LAMC1: variants seen among roughly 807,000 people sequenced by gnomAD.
The protein encoded by LAMC1 is laminin subunit gamma-1.
In LAMC1, 38 loss-of-function variants were observed where a neutral mutation model predicts 173.6. That is an observed-to-expected ratio of 0.22 (90% CI 0.17 to 0.29). LAMC1 has a LOEUF of 0.29. Among genes scored for constraint, LAMC1 ranks in the 10% least tolerant of loss-of-function variants. LAMC1 has a pLI of 1.00. For synonymous variants in LAMC1, 746 were observed against 749.1 expected (o/e 1.00, Z 0.07); for missense variants, 1,824 against 2,051.8 (o/e 0.89, Z 2.14).
intron 22 of LAMC1, among the ~76,000 whole-genome samples, chr1:183,133,947 A>G (rs1256206372): frequency 6.6e-6 from 1 of 152,258 alleles, no homozygotes; most frequent in African/African-American, 2.4e-5. Context: ...ATAATAATAC[A>G]TTTGAATTGC....
rs776372571 is a variant in LAMC1, at chr1:183,130,538, G to A, written c.3475G>A (p.Ala1159Thr). ...AGAACTTGAGAAAGCAAAAGTCGCT[G>A]CTGCCAATGTGGTAAGTGATTGCAA... is the stretch of plus-strand genomic sequence containing the variant. ...SRELEKAKVA[A>T]ANVSVTQPES... Residue 1159 changes from alanine to threonine, a missense_variant, in exon 19 of 28, where the codon GCT becomes ACT. Physicochemically the swap from Ala to Thr is moderately conservative, Grantham distance 58 (BLOSUM62 0). Transcript: ENST00000258341. 1.9e-6 allele frequency: 3 copies of A among 1,614,114 alleles called. No homozygotes were observed. The South Asian group carries it at 3.3e-5, about 18-fold the overall frequency.
intron 4 of LAMC1, among the ~76,000 whole-genome samples, chr1:183,114,072 G>A (rs531362763): frequency 2.0e-5 from 3 of 151,902 alleles, no homozygotes; most frequent in African/African-American, 7.3e-5. Flanking sequence ...GTGGTTTTTT[G>A]TTTGTTTGTT....
intron 1 of LAMC1, among the ~76,000 whole-genome samples, chr1:183,043,557 G>A (rs2102016932): frequency 6.6e-6 from 1 of 152,226 alleles, no homozygotes; most frequent in South Asian, 2.1e-4. Flanking sequence ...TTCATTGAAA[G>A]GGTGAATTTT....
rs751005412 is a variant in LAMC1, at chr1:183,024,028, C to T, written c.312C>T (p.Ala104=). 1.9e-6 allele frequency: 3 copies of T among 1,613,076 alleles called. No homozygotes were observed. The highest frequency in any genetic ancestry group is 2.5e-6 in the Non-Finnish European group (3 of 1,179,842). The change falls in exon 1 of 28, where the codon GCC becomes GCT. Residue 104 remains alanine, a synonymous_variant. Transcript: ENST00000258341. ...AGCCCCACCTGCAGCACGGGGCAGCCTTCCTGACCGACTACAACAACCAGG... is the reference window on the plus strand; with the variant it reads ...AGCCCCACCTGCAGCACGGGGCAGCTTTCCTGACCGACTACAACAACCAGG... ...AGQPHLQHGA[A]FLTDYNNQAD... is the part of the protein sequence containing the mutation.
At chr1:183,029,561 C>T (rs1417287829) in intron 1 of LAMC1, among the ~76,000 whole-genome samples, 2 of 152,104 alleles carry the variant, frequency 1.3e-5, no homozygotes, top group African/African-American at 4.8e-5. Flanking sequence ...TGTTGCTTCA[C>T]GTGTTCACAG....
intron 2 of LAMC1, 30 bp downstream of exon 2, chr1:183,103,662 G>T: frequency 6.6e-7 from 1 of 1,517,282 alleles, no homozygotes; most frequent in Admixed American, 2.2e-5. Flanking sequence ...CCTGAAGCCA[G>T]CTAGTTCTAC....
chr1:183,049,544 A>G (rs957108452), intron 1 of LAMC1, among the ~76,000 whole-genome samples: 1 of 151,454 alleles, frequency 6.6e-6, no homozygotes, highest in Non-Finnish European at 1.5e-5. Flanking sequence ...GCTCACTGCA[A>G]CCTCCGCTTC....
At chr1:183,103,192 G>C in intron 1 of LAMC1, 136 bp from the exon 2 acceptor site, 1 of 863,562 alleles carries the variant, frequency 1.2e-6, no homozygotes. Flanking sequence ...TTCTGTTTTA[G>C]AATAGCCTGT....
At chr1:183,097,411 C>G (rs1655721160) in intron 1 of LAMC1, among the ~76,000 whole-genome samples, 1 of 152,182 alleles carries the variant, frequency 6.6e-6, no homozygotes, top group African/African-American at 2.4e-5. Context: ...TAATTTGATA[C>G]TTTAGAATGA....
chr1:183,140,898 G>A (rs1657095211), intron 27 of LAMC1: 1 of 153,062 alleles, frequency 6.5e-6, no homozygotes, highest in African/African-American at 2.4e-5. Context: ...TGCCAGCTAG[G>A]GTAGCATTTA....
At chr1:183,117,776 G>A in intron 10 of LAMC1, 53 bp downstream of exon 10, 1 of 1,501,326 alleles carries the variant, frequency 6.7e-7, no homozygotes, top group Non-Finnish European at 9.2e-7. Flanking sequence ...TGAAAGTGGT[G>A]TCTTTATTTA....
At chr1:183,108,522 A>G in intron 3 of LAMC1, 116 bp downstream of exon 3, 1 of 878,438 alleles carries the variant, frequency 1.1e-6, no homozygotes, top group Non-Finnish European at 1.7e-6. Context: ...TTTACCAAGA[A>G]TAGGAGCGGC....
chr1:183,027,645 A>C (rs772074139), intron 1 of LAMC1, among the ~76,000 whole-genome samples: 2 of 152,250 alleles, frequency 1.3e-5, no homozygotes, highest in South Asian at 2.1e-4. Flanking sequence ...TTAGTTTCCA[A>C]GCTCCTCATA....
chr1:183,126,924 A>G (rs1656635059), intron 16 of LAMC1, among the ~76,000 whole-genome samples: 2 of 152,224 alleles, frequency 1.3e-5, no homozygotes, highest in South Asian at 4.1e-4. Flanking sequence ...GAAGGTAGAG[A>G]TGAATCCTTG....
At chr1:183,039,207 T>C (rs1654061981) in intron 1 of LAMC1, among the ~76,000 whole-genome samples, 1 of 151,042 alleles carries the variant, frequency 6.6e-6, no homozygotes, top group African/African-American at 2.4e-5. Context: ...GGAATTTTCA[T>C]TGAAATTGTG....
chr1:183,131,608 A>G (rs538093344), intron 20 of LAMC1, among the ~76,000 whole-genome samples: 3 of 152,306 alleles, frequency 2.0e-5, no homozygotes, highest in South Asian at 2.1e-4. Flanking sequence ...TTAGAATACA[A>G]TGGTTTGAAG....
intron 23 of LAMC1, 114 bp from the exon 24 acceptor site, chr1:183,134,928 A>G (rs1397239390): frequency 1.6e-5 from 22 of 1,347,104 alleles, no homozygotes; most frequent in Non-Finnish European, 2.0e-5. Flanking sequence ...GAGCAGCCTA[A>G]CAGATTTTAT....
At chr1:183,065,207 A>G (rs1429567769) in intron 1 of LAMC1, among the ~76,000 whole-genome samples, 1 of 152,230 alleles carries the variant, frequency 6.6e-6, no homozygotes, top group Non-Finnish European at 1.5e-5. Context: ...ATTTATAGGA[A>G]CACCATCTTA....
At chr1:183,136,279 C>T (rs193013782) in intron 24 of LAMC1, 107 bp from the exon 25 acceptor site, 2 of 915,188 alleles carry the variant, frequency 2.2e-6, no homozygotes, top group East Asian at 2.6e-5. Context: ...CCATTTTTTA[C>T]CCTGACTTCC....
Sources: gnomAD v4.1 joint callset for allele counts (sites outside exome capture counted in the v4.1 genomes callset) on GRCh38, gnomAD v4.1.1 for gene constraint, MANE v1.5 for transcripts, NCBI Gene and HGNC (gene_info 2026-07-23, HGNC 2026-07-21) for gene names.